Variants in STAC3 observed in about 807,000 individuals in gnomAD.
STAC3 encodes the protein SH3 and cysteine rich domain 3.
STAC3 carries 30 observed loss-of-function variants against 48.5 expected under a neutral mutation model. The ratio of observed to expected loss-of-function variants is 0.62; its 90% CI spans 0.46 to 0.84. STAC3 has a LOEUF of 0.84. STAC3 is among the 40% of genes least tolerant of loss of function. The pLI is 0.00. For synonymous variants in STAC3, 144 were observed against 158.6 expected (o/e 0.91, Z 0.69); for missense variants, 419 against 462.6 (o/e 0.91, Z 0.86).
At chr12:57,245,812 A>G (rs1290128483) in intron 6 of STAC3, among the ~76,000 whole-genome samples, 2 of 152,284 alleles carry the variant, frequency 1.3e-5, no homozygotes, top group South Asian at 2.1e-4. Context: ...GTGTGTAAGT[A>G]AAAAGTGAGC....
At chr12:57,247,428 A>ATTTT (rs367784960) in intron 5 of STAC3, among the ~76,000 whole-genome samples, 117 of 58,496 alleles carry the variant, frequency 2.0e-3, no homozygotes, top group Middle Eastern at 0.013. Context: ...TATTATTATT[A>ATTTT]TTTTTTTTTT....
At position 57,244,222 on chromosome 12, in the gene STAC3, T is replaced by A. The variant is rs371720347; in HGVS notation, c.862A>T (p.Lys288Ter). 80 of 1,614,122 alleles carry A rather than the reference T, an allele frequency of 5.0e-5. No individual in the cohort carries two copies. Among genetic ancestry groups the A allele is most frequent in the Admixed American group, 1.2e-4 (7 of 60,020 alleles). The change falls in exon 11 of 12, where the codon AAA becomes TAA. Residue 288 changes from lysine to a stop codon, truncating the protein, a stop_gained. Transcript: ENST00000332782. LOFTEE classifies it high-confidence loss of function. ...AAAAATCCGACCTTCTCCCCGATTT[T>A]CCCCTAGGGAAGATAGTAGGGAGAG... is the stretch of plus-strand genomic sequence containing the variant. Reference protein sequence around the residue: ...DDSNEEWWRGKIGEKVGFFPP... With the variant: ...DDSNEEWWRG
In STAC3 at chr12:57,249,158, C is replaced by G. The variant is rs777991873; in HGVS notation, c.217G>C (p.Glu73Gln). Reference sequence around the variant, plus strand: ...GGTTCTGGGGGTGGCTCCTCCTCCTCCTCTTCTTCCTCTTCCTCTTCCTCA... The same window carrying G: ...GGTTCTGGGGGTGGCTCCTCCTCCTGCTCTTCTTCCTCTTCCTCTTCCTCA... ...IYEEEEEEEE[E>Q]EEEPPPEPPK... Residue 73 changes from glutamate to glutamine, a missense_variant, in exon 3 of 12, where the codon GAG becomes CAG. Coordinates refer to ENST00000332782, the MANE Select transcript of STAC3 (RefSeq NM_145064.3). 45 of 1,613,916 alleles carry G rather than the reference C, an allele frequency of 2.8e-5. No homozygotes were observed. The highest frequency in any genetic ancestry group is 3.6e-5 in the Non-Finnish European group (43 of 1,180,000).
chr12:57,244,743 C>T lies in STAC3; in HGVS notation c.721-121G>A, dbSNP rs1057396725. On this transcript the variant is annotated intron_variant, in intron 8 of 11. Transcript: ENST00000332782. ...TCCAACTCTCTTCTAGGTCCCTGAA[C>T]TGAGAGAAGTGTTTTGGTCGTGGGT... is the stretch of plus-strand genomic sequence containing the variant. 8 of 1,415,936 alleles carry T rather than the reference C, an allele frequency of 5.6e-6. No homozygotes were observed. The South Asian group carries it at 9.6e-5, about 17-fold the overall frequency. 87.7% of individuals were successfully genotyped at this position (1,415,936 alleles called of 1,614,324 possible).
At position 57,249,256 on chromosome 12, in the gene STAC3, A is replaced by G; in HGVS notation, c.119T>C (p.Met40Thr). ...GGCCTGGGGCTCTGGGGGAAGTTCC[A>G]TCTCCTTTGTCCCTGTAGAACCCTT... ...LRKGSTGTKE[M>T]ELPPEPQANG... The change falls in exon 3 of 12, where the codon ATG becomes ACG. Residue 40 changes from methionine (M) to threonine (T), a missense_variant. Physicochemically the swap from Met to Thr is moderately conservative, Grantham distance 81 (BLOSUM62 -1). Coordinates refer to ENST00000332782, the MANE Select transcript of STAC3 (RefSeq NM_145064.3). 1 of 1,613,542 alleles carries G rather than the reference A, an allele frequency of 6.2e-7. No homozygotes were observed. Among genetic ancestry groups the G allele is most frequent in the Non-Finnish European group, 8.5e-7 (1 of 1,179,774 alleles).
Position 57,245,278 on chromosome 12 carries a change from G to A in STAC3, c.604-67C>T, listed in dbSNP as rs1267852753. 19 of 1,420,692 alleles carry A rather than the reference G, an allele frequency of 1.3e-5. 1 individual carries two copies. In the East Asian group the frequency reaches 4.3e-4, roughly 32 times the overall value. The allele number at this position is 1,420,692 out of a possible 1,614,324, so 88.0% of individuals were successfully genotyped here. A position where few individuals can be genotyped will look rare whatever the true frequency, so the allele number is the denominator to read the frequency against. On this transcript the variant is annotated intron_variant, in intron 6 of 11. Coordinates refer to ENST00000332782, the MANE Select transcript of STAC3 (RefSeq NM_145064.3). ...CACATGCCCTGGCTGTCTATAATCA[G>A]GTCAGAGAACTATAGAATAATGGGA... is the stretch of plus-strand genomic sequence containing the variant.
At chr12:57,247,155 G>A (rs1219511343) in intron 5 of STAC3, among the ~76,000 whole-genome samples, 2 of 152,138 alleles carry the variant, frequency 1.3e-5, no homozygotes, top group African/African-American at 4.8e-5. Context: ...TCCAGGCAGA[G>A]CATTATATGA....
intron 5 of STAC3, among the ~76,000 whole-genome samples, chr12:57,247,421 TA>T (rs1330470175): frequency 0.013 from 599 of 47,390 alleles, 7 homozygotes; most frequent in African/African-American, 0.039. Context: ...TTATTATTAT[TA>T]TTATTATTTT....
At chr12:57,244,391 A>C in intron 9 of STAC3, 25 bp from the exon 10 acceptor site, 1 of 1,613,894 alleles carries the variant, frequency 6.2e-7, no homozygotes, top group African/African-American at 1.3e-5. Flanking sequence ...GAGGGGCCTC[A>C]CTCACATAGC....
Position 57,244,984 on chromosome 12 carries a change from A to G in STAC3, c.671-19T>C, listed in dbSNP as rs1176694367. ...GGGTTTCCTGGGATAGGAAACACCA[A>G]CAAATTGTCTGTCTCCTGGAGGGCA... On this transcript the variant is annotated intron_variant, in intron 7 of 11. Transcript: ENST00000332782. 1 of 1,614,056 alleles carries G rather than the reference A, an allele frequency of 6.2e-7. No individual in the cohort carries two copies. The highest frequency in any genetic ancestry group is 8.5e-7 in the Non-Finnish European group (1 of 1,179,950).
chr12:57,250,987 A>T lies in STAC3; in HGVS notation c.-2+6T>A, dbSNP rs1020051892. The T allele has an allele frequency of 2.2e-5, 7 of 322,512 alleles. No individual in the cohort carries two copies. Among genetic ancestry groups the T allele is most frequent in the African/African-American group, 1.5e-4 (7 of 46,032 alleles). 20.0% of individuals were successfully genotyped at this position (322,512 alleles called of 1,614,324 possible). A position where few individuals can be genotyped will look rare whatever the true frequency, so the allele number is the denominator to read the frequency against. On this transcript the variant is annotated splice_donor_region_variant and intron_variant, in intron 1 of 11. Transcript: ENST00000332782. The stretch of plus-strand genomic sequence containing the variant: ...TGGAAATCAAGAGGATGAAGAGGTA[A>T]CTTACGTTCGGGATTCCCTAAGTCA...
At position 57,243,645 on chromosome 12, in the gene STAC3, G is replaced by T. The variant is rs2037655378; in HGVS notation, c.*167C>A. 4.1e-6 allele frequency: 3 copies of T among 734,522 alleles called. No homozygotes were observed. In the East Asian group the frequency reaches 8.0e-5, roughly 20 times the overall value. The allele number at this position is 734,522 out of a possible 1,614,324, so 45.5% of individuals were successfully genotyped here. ...GCAGGTATCCGAGGCCCCAGGCTGG[G>T]GAAGGGGGCGAGAACCAGTCCCTTC... is the stretch of plus-strand genomic sequence containing the variant. On this transcript the variant is annotated 3_prime_UTR_variant, in exon 12 of 12. Transcript: ENST00000332782.
intron 6 of STAC3, among the ~76,000 whole-genome samples, chr12:57,245,544 G>A (rs936181227): frequency 6.6e-6 from 1 of 151,912 alleles, no homozygotes; most frequent in Non-Finnish European, 1.5e-5. Context: ...CTAATTTTTT[G>A]TATTTTTAGT....
In STAC3 at chr12:57,249,948, C is replaced by T. The variant is rs2037863329; in HGVS notation, c.-1-311G>A. Among the ~76,000 whole-genome samples, 3 of 152,188 alleles carry T rather than the reference C, an allele frequency of 2.0e-5. No homozygotes were observed. In the South Asian group the frequency reaches 6.2e-4, roughly 31 times the overall value. On this transcript the variant is annotated intron_variant, in intron 1 of 11. Transcript: ENST00000332782. ...TATTTTTTGTAGAGACATGGTCTTG[C>T]TTTGTTGCCTAGGCTGGTCCCGAAC...
Position 57,249,287 on chromosome 12 carries a change from G to A in STAC3, c.88C>T (p.Leu30Phe). ...TTTGTCCCTGTAGAACCCTTCCTGAGTAACTGCTTTAGCCGCTGTAGCTGA... is the reference window on the plus strand; with the variant it reads ...TTTGTCCCTGTAGAACCCTTCCTGAATAACTGCTTTAGCCGCTGTAGCTGA... ...QSGLQRLKQL[L>F]RKGSTGTKEM... The change falls in exon 3 of 12, where the codon CTC becomes TTC. Residue 30 changes from leucine (L) to phenylalanine (F), a missense_variant. Leu to Phe is a conservative substitution (Grantham distance 22). Transcript: ENST00000332782. The A allele has an allele frequency of 1.3e-6, 2 of 1,598,564 alleles. No individual in the cohort carries two copies. Among genetic ancestry groups the A allele is most frequent in the African/African-American group, 1.3e-5 (1 of 74,210 alleles).
chr12:57,246,329 T>C (rs1282666438), intron 6 of STAC3, among the ~76,000 whole-genome samples: 2 of 152,030 alleles, frequency 1.3e-5, no homozygotes, highest in African/African-American at 4.8e-5. Flanking sequence ...TTGATTTTTT[T>C]GATCAGATAT....
Position 57,244,549 on chromosome 12 carries a change from T to C in STAC3, c.794A>G (p.Asp265Gly). The change falls in exon 9 of 12, where the codon GAT (aspartate) becomes GGT (glycine). Residue 265 changes from aspartate to glycine, a missense_variant. By Grantham distance (94) the Asp-to-Gly change is moderately conservative. Transcript: ENST00000332782. ...CAAGGCCTCTCACGGGAAATCCAGA[T>C]CGTCCTTCTCCAGGGCTTTGAACCG... The part of the protein sequence containing the change: ...LYRFKALEKD[D>G]LDFPPGEKIT... 6.2e-7 allele frequency: 1 copy of C among 1,614,232 alleles called. No homozygotes were observed. Among genetic ancestry groups the C allele is most frequent in the Non-Finnish European group, 8.5e-7 (1 of 1,180,044 alleles).
At chr12:57,244,864 G>A (rs1300415992) in intron 8 of STAC3, 52 bp downstream of exon 8, 63 of 1,603,736 alleles carry the variant, frequency 3.9e-5, no homozygotes, top group Non-Finnish European at 1.7e-6. Flanking sequence ...AGTGGTGTCA[G>A]AGCTGGGTTG....
chr12:57,246,758 C>A, intron 6 of STAC3, 46 bp downstream of exon 6: 1 of 1,539,226 alleles, frequency 6.5e-7, no homozygotes, highest in South Asian at 1.1e-5. Context: ...ATGACCTGCT[C>A]CATGGGATCT....
Sources: allele counts gnomAD v4.1 joint callset (sites outside exome capture counted in the v4.1 genomes callset), GRCh38; gene constraint gnomAD v4.1.1; transcripts MANE v1.5; gene names NCBI Gene and HGNC (gene_info 2026-07-23, HGNC 2026-07-21).